PSMA2: variants seen among roughly 807,000 people sequenced by gnomAD.
The protein encoded by PSMA2 is proteasome 20S subunit alpha 2, also known as proteasome subunit alpha type-2.
A neutral mutation model predicts 35.9 loss-of-function variants in PSMA2; 2 were observed. The observed-to-expected ratio is 0.06, with a 90% CI of 0.02 to 0.18. The LOEUF (loss-of-function observed/expected upper bound fraction) is 0.18. Among genes scored for constraint, PSMA2 ranks in the 10% least tolerant of loss-of-function variants. PSMA2 has a pLI of 1.00. For missense variants in PSMA2, 126 were observed against 278.8 expected (o/e 0.45, Z 3.90); for synonymous variants, 97 against 98.2 (o/e 0.99, Z 0.07).
chr7:42,926,799 C>A, intron 2 of PSMA2, 131 bp from the exon 3 acceptor site: 1 of 1,097,700 alleles, frequency 9.1e-7, no homozygotes, highest in East Asian at 2.9e-5. Flanking sequence ...CTTCCGGAGT[C>A]CTATTACCAA....
chr7:42,923,421 A>G lies in PSMA2; in HGVS notation c.375-15T>C. On this transcript the variant is annotated splice_polypyrimidine_tract_variant and intron_variant, in intron 4 of 7. Transcript: ENST00000223321. ...GACGAACACCACTGCAGGGAGGAAAATGAAAATTACTTGGCATTTTCATGG... is the reference window on the plus strand; with the variant it reads ...GACGAACACCACTGCAGGGAGGAAAGTGAAAATTACTTGGCATTTTCATGG... 1 of 1,602,152 alleles carries G rather than the reference A, an allele frequency of 6.2e-7. No homozygotes were observed. Among genetic ancestry groups the G allele is most frequent in the Non-Finnish European group, 8.5e-7 (1 of 1,169,886 alleles).
rs1392558287 is a variant in PSMA2, at chr7:42,921,866, A to T, written c.522T>A (p.Leu174=). The change falls in exon 6 of 8, where the codon CTT becomes CTA. Residue 174 remains leucine (L), a synonymous_variant. Transcript: ENST00000223321. ...GKNYVNGKTF[L]EKRYNEDLEL... ...ACAATGAGTAGGCCTACCTTTTCTC[A>T]AGGAAAGTCTTCCCATTCACATAGT... 6.2e-7 allele frequency: 1 copy of T among 1,612,476 alleles called. No individual in the cohort carries two copies. The highest frequency in any genetic ancestry group is 1.1e-5 in the South Asian group (1 of 90,902).
intron 1 of PSMA2, among the ~76,000 whole-genome samples, chr7:42,928,772 T>C (rs1395678241): frequency 2.6e-5 from 4 of 152,148 alleles, no homozygotes; most frequent in African/African-American, 4.8e-5. Flanking sequence ...TCCAAACACA[T>C]AGACTACTCT....
Position 42,923,422 on chromosome 7 carries a change from T to C in PSMA2, c.375-16A>G, listed in dbSNP as rs201091057. On this transcript the variant is annotated splice_polypyrimidine_tract_variant and intron_variant, in intron 4 of 7. Transcript: ENST00000223321. Reference sequence around the variant, plus strand: ...ACGAACACCACTGCAGGGAGGAAAATGAAAATTACTTGGCATTTTCATGGT... The same window carrying C: ...ACGAACACCACTGCAGGGAGGAAAACGAAAATTACTTGGCATTTTCATGGT... 8 of 1,596,624 alleles carry C rather than the reference T, an allele frequency of 5.0e-6. No individual in the cohort carries two copies. The highest frequency in any genetic ancestry group is 3.4e-5 in the Admixed American group (2 of 59,674).
At chr7:42,921,449 C>G (rs1786127916) in intron 6 of PSMA2, 1 of 153,408 alleles carries the variant, frequency 6.5e-6, no homozygotes, top group East Asian at 1.9e-4. Flanking sequence ...TTTAATATAC[C>G]TTCAACTCCA....
chr7:42,917,403 G>A lies in PSMA2; in HGVS notation c.*171C>T, dbSNP rs1786048646. 6 of 531,246 alleles carry A rather than the reference G, an allele frequency of 1.1e-5. No homozygotes were observed. The East Asian group carries it at 1.9e-4, about 16-fold the overall frequency. The allele number at this position is 531,246 out of a possible 1,614,324, so 32.9% of individuals were successfully genotyped here. A position where few individuals can be genotyped will look rare whatever the true frequency, so the allele number is the denominator to read the frequency against. ...TTAAAATTTTAGCAACTCCTAAAAGGCTGGAAGGTGGGTTTAACAGTTTAT... is the reference window on the plus strand; with the variant it reads ...TTAAAATTTTAGCAACTCCTAAAAGACTGGAAGGTGGGTTTAACAGTTTAT... On this transcript the variant is annotated 3_prime_UTR_variant, in exon 8 of 8. Coordinates refer to ENST00000223321, the MANE Select transcript of PSMA2 (RefSeq NM_002787.5).
At chr7:42,927,977 A>G (rs757812034) in intron 1 of PSMA2, among the ~76,000 whole-genome samples, 18 of 151,962 alleles carry the variant, frequency 1.2e-4, no homozygotes, top group Non-Finnish European at 1.8e-4. Flanking sequence ...CTCCTACTGA[A>G]GCACTACTTT....
intron 5 of PSMA2, among the ~76,000 whole-genome samples, chr7:42,922,596 G>A (rs1254548097): frequency 1.3e-5 from 2 of 152,112 alleles, no homozygotes; most frequent in South Asian, 2.1e-4. Flanking sequence ...CAGAGATGGA[G>A]TAACAACACT....
chr7:42,927,600 AAGTGGCAC>A, intron 1 of PSMA2, 141 bp from the exon 2 acceptor site: 1 of 754,888 alleles, frequency 1.3e-6, no homozygotes, highest in East Asian at 2.7e-5. Flanking sequence ...CTCTATCATG[AAGTGGCAC>A]AGAAACCAAG....
intron 6 of PSMA2, chr7:42,919,214 T>G: frequency 1.6e-6 from 1 of 610,248 alleles, no homozygotes; most frequent in Non-Finnish European, 3.2e-6. Context: ...GGAACAATTT[T>G]GGGTCATAAA....
At chr7:42,928,716 C>T (rs1346184726) in intron 1 of PSMA2, among the ~76,000 whole-genome samples, 2 of 152,120 alleles carry the variant, frequency 1.3e-5, no homozygotes, top group African/African-American at 4.8e-5. Flanking sequence ...CATATAATTA[C>T]GAATATTCCC....
chr7:42,925,724 C>T (rs1786202120), intron 3 of PSMA2, among the ~76,000 whole-genome samples: 1 of 152,180 alleles, frequency 6.6e-6, no homozygotes, highest in Non-Finnish European at 1.5e-5. Context: ...CACATTTTCC[C>T]TCTGTGTGAC....
intron 2 of PSMA2, among the ~76,000 whole-genome samples, 158 bp downstream of exon 2, chr7:42,927,225 T>C (rs1786228987): frequency 6.6e-6 from 1 of 152,208 alleles, no homozygotes; most frequent in South Asian, 2.1e-4. Flanking sequence ...TGAATGACCT[T>C]AGACTTATTA....
intron 1 of PSMA2, among the ~76,000 whole-genome samples, chr7:42,929,493 G>C (rs1419630229): frequency 6.6e-6 from 1 of 152,076 alleles, no homozygotes; most frequent in East Asian, 1.9e-4. Flanking sequence ...CTGCGTGAAA[G>C]CTCACTAACC....
chr7:42,918,039 C>T (rs1786060890), intron 6 of PSMA2: 3 of 376,910 alleles, frequency 8.0e-6, no homozygotes, highest in South Asian at 5.9e-5. Context: ...ACATCATGAA[C>T]GGTATGACCC....
intron 2 of PSMA2, among the ~76,000 whole-genome samples, chr7:42,927,117 A>C (rs1474072124): frequency 4.8e-5 from 2 of 41,336 alleles, no homozygotes; most frequent in African/African-American, 1.4e-4. Context: ...TAATCAGTGG[A>C]AAAACAAAAA....
At chr7:42,918,224 T>G (rs556485543) in intron 6 of PSMA2, 1 of 155,214 alleles carries the variant, frequency 6.4e-6, no homozygotes, top group Non-Finnish European at 1.4e-5. Context: ...TTAGTAGAGA[T>G]GGGTTTCACT....
Position 42,923,655 on chromosome 7 carries a change from A to G in PSMA2, c.375-249T>C, listed in dbSNP as rs183222046. 3.0e-4 allele frequency among the ~76,000 whole-genome samples: 45 copies of G among 152,394 alleles called. No individual in the cohort carries two copies. The South Asian group carries it at 8.7e-3, about 29-fold the overall frequency. On this transcript the variant is annotated intron_variant, in intron 4 of 7. Transcript: ENST00000223321. ...AGTGTTACCTAAGACACTGGGGTTAATAAGTGTGTAGTAACATTTAGTGTC... is the reference window on the plus strand; with the variant it reads ...AGTGTTACCTAAGACACTGGGGTTAGTAAGTGTGTAGTAACATTTAGTGTC...
rs138132646 is a variant in PSMA2, at chr7:42,931,951, G to A, written c.41+167C>T. Among the ~76,000 whole-genome samples the A allele has an allele frequency of 1.8e-3, 267 of 152,226 alleles. 1 individual carries two copies. The highest frequency in any genetic ancestry group is 6.1e-3 in the African/African-American group (254 of 41,526). ...CAGCCTCCGACCAAGGAAGCTCCAG[G>A]AATCCCGGGTCGGCCTGGCAAATGA... is the stretch of plus-strand genomic sequence containing the variant. On this transcript the variant is annotated intron_variant, in intron 1 of 7. Transcript: ENST00000223321.
Sources: gnomAD v4.1 joint callset for allele counts (sites outside exome capture counted in the v4.1 genomes callset) on GRCh38, gnomAD v4.1.1 for gene constraint, MANE v1.5 for transcripts, NCBI Gene and HGNC (gene_info 2026-07-23, HGNC 2026-07-21) for gene names.